CLEC2A: variants seen among roughly 807,000 people sequenced by gnomAD.
CLEC2A encodes the protein C-type lectin domain family 2 member A.
A neutral mutation model predicts 18.6 loss-of-function variants in CLEC2A; 19 were observed. That is an observed-to-expected ratio of 1.02 (90% CI 0.71 to 1.50). CLEC2A has a LOEUF of 1.50. Ranked by LOEUF, CLEC2A falls within the 40% of genes most tolerant of loss-of-function variation. The probability of loss-of-function intolerance (pLI) is 0.00; values close to 1 mark genes in which losing one functional copy is unlikely to be tolerated. For missense variants in CLEC2A, 190 were observed against 207.9 expected (o/e 0.91, Z 0.53); for synonymous variants, 74 against 64.0 (o/e 1.16, Z -0.75).
At chr12:9,927,808 G>A (rs1285047196) in intron 1 of CLEC2A, among the ~76,000 whole-genome samples, 2 of 151,820 alleles carry the variant, frequency 1.3e-5, no homozygotes, top group South Asian at 2.1e-4. Flanking sequence ...AGAAACAATA[G>A]CTAAAGATAG....
chr12:9,890,827 T>C, the CLEC2A span, among the ~76,000 whole-genome samples: 2 of 152,230 alleles, frequency 1.3e-5, no homozygotes, highest in African/African-American at 4.8e-5. Context: ...ACACAGGTCA[T>C]GTGCACCAGA....
At chr12:9,923,955 C>T (rs919234406) in intron 2 of CLEC2A, among the ~76,000 whole-genome samples, 1 of 151,482 alleles carries the variant, frequency 6.6e-6, no homozygotes, top group Non-Finnish European at 1.5e-5. Context: ...GAGGGATAGC[C>T]CCCCTGTCGT....
the CLEC2A span, among the ~76,000 whole-genome samples, chr12:9,878,884 A>T: frequency 1.3e-5 from 2 of 152,094 alleles, no homozygotes; most frequent in Admixed American, 6.5e-5. Context: ...TTGTGAACCG[A>T]TTTTTTAGGA....
intron 4 of CLEC2A, among the ~76,000 whole-genome samples, chr12:9,907,912 G>A (rs2137024030): frequency 6.6e-6 from 1 of 152,296 alleles, no homozygotes; most frequent in African/African-American, 2.4e-5. Context: ...TGGTCACGTG[G>A]GATTTTGCTG....
At chr12:9,894,948 C>CA (rs2137006329), downstream of CLEC2A, among the ~76,000 whole-genome samples, 1 of 152,100 alleles carries the variant, frequency 6.6e-6, no homozygotes, top group South Asian at 2.1e-4. Flanking sequence ...TTAAGGAAAA[C>CA]AACACACATG....
At chr12:9,892,733 G>C in the CLEC2A span, among the ~76,000 whole-genome samples, 1 of 151,264 alleles carries the variant, frequency 6.6e-6, no homozygotes, top group Non-Finnish European at 1.5e-5. Context: ...TACAGGCATG[G>C]GCCACCATGC....
At chr12:9,895,625 A>G, downstream of CLEC2A, 1 of 1,421,560 alleles carries the variant, frequency 7.0e-7, no homozygotes, top group Non-Finnish European at 9.2e-7. Flanking sequence ...GGCTGGAGAA[A>G]ACTTTAAAAG....
chr12:9,894,461 T>C (rs1236709197), downstream of CLEC2A, among the ~76,000 whole-genome samples: 2 of 152,086 alleles, frequency 1.3e-5, no homozygotes, highest in African/African-American at 4.8e-5. Flanking sequence ...AGATTACAGG[T>C]GTGAGCCACC....
At chr12:9,910,857 A>G (rs1862974464), downstream of CLEC2A, among the ~76,000 whole-genome samples, 3 of 152,074 alleles carry the variant, frequency 2.0e-5, no homozygotes, top group Admixed American at 6.5e-5. Context: ...CTCATGGGAG[A>G]TGATCTGGGA....
intron 1 of CLEC2A, among the ~76,000 whole-genome samples, chr12:9,926,792 C>T (rs923353342): frequency 2.0e-5 from 3 of 152,048 alleles, no homozygotes; most frequent in African/African-American, 7.2e-5. Flanking sequence ...ATATATTTTT[C>T]TTTATTCTTT....
the CLEC2A span, among the ~76,000 whole-genome samples, chr12:9,881,094 T>C: frequency 6.6e-6 from 1 of 152,264 alleles, no homozygotes. Context: ...TTCCTATTTT[T>C]GTCCCATCTA....
downstream of CLEC2A, among the ~76,000 whole-genome samples, chr12:9,910,364 T>C (rs191232565): frequency 2.0e-5 from 3 of 152,252 alleles, no homozygotes; most frequent in Admixed American, 2.0e-4. Context: ...GGAGCAGGCT[T>C]TTTCCCTGGA....
downstream of CLEC2A, among the ~76,000 whole-genome samples, chr12:9,896,578 T>C (rs1303814394): frequency 1.3e-5 from 2 of 152,098 alleles, no homozygotes; most frequent in African/African-American, 2.4e-5. Flanking sequence ...TATCCAAATA[T>C]AAAATTTTAA....
chr12:9,884,630 T>C, the CLEC2A span, among the ~76,000 whole-genome samples: 1 of 148,858 alleles, frequency 6.7e-6, no homozygotes, highest in Admixed American at 6.7e-5. Flanking sequence ...TTATAACAAA[T>C]ATTTATATCA....
downstream of CLEC2A, chr12:9,895,874 G>A (rs978933606): frequency 6.8e-7 from 1 of 1,466,070 alleles, no homozygotes; most frequent in Non-Finnish European, 9.0e-7. Flanking sequence ...TGTTAAAGCA[G>A]AGCTAGATTT....
At chr12:9,924,330 C>T (rs1472352356) in intron 2 of CLEC2A, among the ~76,000 whole-genome samples, 2 of 152,054 alleles carry the variant, frequency 1.3e-5, no homozygotes, top group African/African-American at 4.8e-5. Flanking sequence ...AAACTCTTGT[C>T]TATATTTAAC....
chr12:9,916,084 T>TA (rs932448684), intron 4 of CLEC2A, among the ~76,000 whole-genome samples: 1 of 151,490 alleles, frequency 6.6e-6, no homozygotes, highest in Non-Finnish European at 1.5e-5. Flanking sequence ...AAACAAAAAT[T>TA]AAAAAAATAA....
intron 4 of CLEC2A, among the ~76,000 whole-genome samples, chr12:9,905,247 A>G (rs1862890461): frequency 6.6e-6 from 1 of 152,060 alleles, no homozygotes; most frequent in Non-Finnish European, 1.5e-5. Flanking sequence ...ATCTCCTTTC[A>G]GCTGTGCGGT....
intron 2 of CLEC2A, among the ~76,000 whole-genome samples, chr12:9,925,525 C>T (rs928316249): frequency 6.6e-6 from 1 of 152,138 alleles, no homozygotes; most frequent in Non-Finnish European, 1.5e-5. Context: ...TTTTCTTATA[C>T]CTGTATCCTA....
Sources: allele counts gnomAD v4.1 joint callset (sites outside exome capture counted in the v4.1 genomes callset), GRCh38; gene constraint gnomAD v4.1.1; transcripts MANE v1.5; gene names NCBI Gene and HGNC (gene_info 2026-07-23, HGNC 2026-07-21).